The following RAB27A variants were observed in gnomAD, a reference collection of about 807,000 sequenced individuals.
The protein encoded by RAB27A is ras-related protein Rab-27A.
A neutral mutation model predicts 20.8 loss-of-function variants in RAB27A; 17 were observed. The ratio of observed to expected loss-of-function variants is 0.82; its 90% CI spans 0.56 to 1.23. The LOEUF (loss-of-function observed/expected upper bound fraction) is 1.23, where lower values mean the gene tolerates loss of function less well. Among genes scored for constraint, RAB27A ranks in the 50% most tolerant of loss-of-function variants. RAB27A has a pLI of 0.00. For missense variants in RAB27A, 277 were observed against 266.7 expected, an observed-to-expected ratio of 1.04 and a Z score of -0.27; for synonymous variants, 85 against 92.8, an observed-to-expected ratio of 0.92 and a Z score of 0.48.
At chr15:55,238,606 C>T (rs1458234145) in intron 2 of RAB27A, 1 of 152,212 alleles carries the variant, frequency 6.6e-6, no homozygotes, top group Non-Finnish European at 1.5e-5. Context: ...ACTGTTGGCT[C>T]ACTTTATTCT....
chr15:55,209,353 C>G (rs7172108), intron 6 of RAB27A, among the ~76,000 whole-genome samples: 40,681 of 151,974 alleles, frequency 0.27, 7,069 homozygotes, highest in African/African-American at 0.49. Context: ...TCATGAGATC[C>G]ACCTTTGTAG....
At chr15:55,245,319 T>A (rs1054251058) in intron 2 of RAB27A, among the ~76,000 whole-genome samples, 17 of 152,242 alleles carry the variant, frequency 1.1e-4, no homozygotes, top group African/African-American at 4.1e-4. Flanking sequence ...CCCTAATATG[T>A]CAAGAGTGGA....
At chr15:55,218,685 A>G (rs1032074995) in intron 6 of RAB27A, among the ~76,000 whole-genome samples, 2 of 151,260 alleles carry the variant, frequency 1.3e-5, no homozygotes, top group Non-Finnish European at 2.9e-5. Flanking sequence ...TTTGCTGCCC[A>G]TTTCTTTGCA....
At chr15:55,257,142 G>A (rs1355609136) in intron 2 of RAB27A, among the ~76,000 whole-genome samples, 2 of 152,216 alleles carry the variant, frequency 1.3e-5, no homozygotes, top group Non-Finnish European at 2.9e-5. Flanking sequence ...CATTTGAAGT[G>A]GGGAAGGGAA....
At position 55,222,467 on chromosome 15, in the gene RAB27A, C is replaced by T. The variant is rs1441803687; in HGVS notation, c.467+1422G>A. Among the ~76,000 whole-genome samples, 5 of 152,162 alleles carry T rather than the reference C, an allele frequency of 3.3e-5. No homozygotes were observed. In the East Asian group the frequency reaches 7.7e-4, roughly 23 times the overall value. On this transcript the variant is annotated intron_variant, in intron 6 of 6. Transcript: ENST00000336787. ...TCTTTCCTCCCTCCCCACCTATAGC[C>T]TATAGACTGATCTGGAAATGTAAAC...
At chr15:55,245,560 T>C (rs73413616) in intron 2 of RAB27A, among the ~76,000 whole-genome samples, 1,619 of 152,366 alleles carry the variant, frequency 0.011, 35 homozygotes, top group African/African-American at 0.037. Context: ...TACAGTATTT[T>C]ATAATAATAA....
intron 2 of RAB27A, among the ~76,000 whole-genome samples, chr15:55,245,065 T>C (rs1896636057): frequency 6.6e-6 from 1 of 152,212 alleles, no homozygotes; most frequent in Admixed American, 6.5e-5. Flanking sequence ...AGGCATTTTA[T>C]AATGTACCAA....
At position 55,225,491 on chromosome 15, in the gene RAB27A, A is replaced by G. The variant is rs566132349; in HGVS notation, c.344-1479T>C. 2.0e-5 allele frequency among the ~76,000 whole-genome samples: 3 copies of G among 152,336 alleles called. No individual in the cohort carries two copies. The South Asian group carries it at 6.2e-4, about 32-fold the overall frequency. On this transcript the variant is annotated intron_variant, in intron 5 of 6. Transcript: ENST00000336787. The stretch of plus-strand genomic sequence containing the variant: ...AAGAATTTGTTGACATGCAAGTCTC[A>G]GGTCCCACTCCAGCTCTACTGAATC...
At chr15:55,230,994 G>A (rs1896010226) in intron 3 of RAB27A, among the ~76,000 whole-genome samples, 1 of 152,038 alleles carries the variant, frequency 6.6e-6, no homozygotes, top group Non-Finnish European at 1.5e-5. Context: ...GGAGTCCCTA[G>A]TGTCTACTGT....
chr15:55,294,219 A>G (rs1421863001), upstream of RAB27A, among the ~76,000 whole-genome samples: 1 of 152,210 alleles, frequency 6.6e-6, no homozygotes, highest in African/African-American at 2.4e-5. Flanking sequence ...ATGCATCTAT[A>G]GTCAAGATCT....
At chr15:55,224,262 C>T (rs372222691) in intron 5 of RAB27A, among the ~76,000 whole-genome samples, 48 of 152,340 alleles carry the variant, frequency 3.2e-4, no homozygotes, top group African/African-American at 1.1e-3. Flanking sequence ...TGCTACCTCT[C>T]AAGTGTGAGG....
intron 2 of RAB27A, among the ~76,000 whole-genome samples, chr15:55,302,646 C>T (rs1271792001): frequency 8.4e-6 from 1 of 118,620 alleles, no homozygotes; most frequent in Non-Finnish European, 1.7e-5. Context: ...TCTTCCCAGC[C>T]GCCATCACAT....
At chr15:55,266,599 A>T (rs1252430990) in intron 2 of RAB27A, among the ~76,000 whole-genome samples, 1 of 152,254 alleles carries the variant, frequency 6.6e-6, no homozygotes, top group African/African-American at 2.4e-5. Context: ...TGGTTTGAGA[A>T]GATGATAATT....
rs1388634936 is a variant in RAB27A, at chr15:55,241,600, T to TTCTATATATATATATATATATATA, written c.-22-6645_-22-6644insTATATATATATATATATATATAGA. ...AGCCCAGGCAACTAGCAAGACCTAT[T>TTCTATATATATATATATATATATA]TATATATATATATATATATATATAT... On this transcript the variant is annotated intron_variant, in intron 2 of 6. Transcript: ENST00000336787. 1.6e-3 allele frequency among the ~76,000 whole-genome samples: 201 copies of TTCTATATATATATATATATATATA among 123,810 alleles called. 22 individuals are homozygous for TTCTATATATATATATATATATATA. The highest frequency in any genetic ancestry group is 8.4e-3 in the African/African-American group (197 of 23,388). 81.2% of individuals were successfully genotyped at this position (123,810 alleles called of 152,430 possible).
chr15:55,315,490 AT>A (rs1167362850), intron 1 of RAB27A, among the ~76,000 whole-genome samples: 1 of 152,150 alleles, frequency 6.6e-6, no homozygotes, highest in Non-Finnish European at 1.5e-5. Flanking sequence ...ATGGGAGAAA[AT>A]TTTCGTAATC....
chr15:55,248,662 A>G (rs1157030249), intron 2 of RAB27A, among the ~76,000 whole-genome samples: 1 of 152,248 alleles, frequency 6.6e-6, no homozygotes, highest in Non-Finnish European at 1.5e-5. Flanking sequence ...TTAAAATATT[A>G]GTATCTATAA....
At chr15:55,222,636 A>G (rs1016769505) in intron 6 of RAB27A, among the ~76,000 whole-genome samples, 1 of 152,002 alleles carries the variant, frequency 6.6e-6, no homozygotes, top group Non-Finnish European at 1.5e-5. Context: ...CCTTCCCACT[A>G]TAAACCCTAC....
At chr15:55,266,193 C>T (rs1417901321) in intron 2 of RAB27A, among the ~76,000 whole-genome samples, 2 of 152,160 alleles carry the variant, frequency 1.3e-5, no homozygotes, top group Non-Finnish European at 2.9e-5. Context: ...TAAGAAGAGG[C>T]CAGAGAGCTA....
At chr15:55,308,082 G>A (rs1566941529) in intron 2 of RAB27A, among the ~76,000 whole-genome samples, 1 of 152,052 alleles carries the variant, frequency 6.6e-6, no homozygotes, top group Non-Finnish European at 1.5e-5. Context: ...TTTCCCGGAG[G>A]GGATTACCCC....
Sources: allele counts gnomAD v4.1 joint callset (sites outside exome capture counted in the v4.1 genomes callset), GRCh38; gene constraint gnomAD v4.1.1; transcripts MANE v1.5; gene names NCBI Gene and HGNC (gene_info 2026-07-23, HGNC 2026-07-21).